The following RELL1 variants were observed in gnomAD, a reference collection of about 807,000 sequenced individuals.
RELL1 encodes RELT-like protein 1.
RELL1 carries 10 observed loss-of-function variants against 23.0 expected under a neutral mutation model. The observed-to-expected ratio is 0.43, with a 90% CI of 0.27 to 0.74. The LOEUF is 0.74. Among genes scored for constraint, RELL1 ranks in the 30% least tolerant of loss-of-function variants. RELL1 has a pLI of 0.19. For missense variants in RELL1, 315 were observed against 364.4 expected, an observed-to-expected ratio of 0.86 and a Z score of 1.10; for synonymous variants, 146 against 146.8, an observed-to-expected ratio of 0.99 and a Z score of 0.04.
chr4:37,587,083 C>G (rs1718375431), downstream of RELL1, among the ~76,000 whole-genome samples: 3 of 152,166 alleles, frequency 2.0e-5, no homozygotes, highest in African/African-American at 7.2e-5. Context: ...TGTTCCTTCC[C>G]TCTTCCAGCT....
rs557109007 is a variant in RELL1 at position 37,617,227 on chromosome 4, C to T, written c.*4-3885G>A. The stretch of plus-strand genomic sequence containing the variant: ...CTGAGACCTACTAAATCAGAGTCTA[C>T]GGGGTTGCAGTCCAGGACTCTGCTT... On this transcript the variant is annotated intron_variant, in intron 6 of 6. Transcript: ENST00000454158. 2.2e-3 allele frequency among the ~76,000 whole-genome samples: 333 copies of T among 152,282 alleles called. 3 individuals carry two copies. Among genetic ancestry groups the T allele is most frequent in the African/African-American group, 3.3e-3 (136 of 41,554 alleles).
intron 6 of RELL1, among the ~76,000 whole-genome samples, chr4:37,614,244 G>T (rs1719500375): frequency 6.6e-6 from 1 of 151,928 alleles, no homozygotes; most frequent in African/African-American, 2.4e-5. Flanking sequence ...TCTGTCATTT[G>T]GTCATCCATA....
chr4:37,623,854 G>C (rs748297535), intron 6 of RELL1, among the ~76,000 whole-genome samples: 2 of 152,020 alleles, frequency 1.3e-5, no homozygotes, highest in Non-Finnish European at 2.9e-5. Flanking sequence ...CAAGTTAAAG[G>C]GTTCCCATCA....
At chr4:37,604,717 G>A (rs1415811499) in intron 6 of RELL1, among the ~76,000 whole-genome samples, 1 of 151,636 alleles carries the variant, frequency 6.6e-6, no homozygotes, top group Non-Finnish European at 1.5e-5. Context: ...AGAAACTTTG[G>A]CAAATACAGT....
chr4:37,659,595 G>T (rs1042143668), intron 1 of RELL1, among the ~76,000 whole-genome samples: 37 of 151,908 alleles, frequency 2.4e-4, no homozygotes, highest in African/African-American at 3.4e-4. Context: ...ATCCACCTTT[G>T]CCACCAGCTA....
chr4:37,674,746 GC>G (rs5857580), intron 1 of RELL1, among the ~76,000 whole-genome samples: 139,140 of 152,246 alleles, frequency 0.91, 63,885 homozygotes, highest in Non-Finnish European at 0.96. Flanking sequence ...TGATACAAAA[GC>G]CCAGTGAATT....
chr4:37,641,248 C>T (rs1720523022), intron 3 of RELL1, among the ~76,000 whole-genome samples: 1 of 152,112 alleles, frequency 6.6e-6, no homozygotes, highest in Non-Finnish European at 1.5e-5. Context: ...CACACACACC[C>T]ACATGCATGC....
intron 1 of RELL1, chr4:37,665,527 C>T (rs1721502863): frequency 2.9e-6 from 1 of 340,170 alleles, no homozygotes; most frequent in Non-Finnish European, 5.8e-6. Context: ...TACACAACCT[C>T]ACCAAAGGCT....
intron 1 of RELL1, among the ~76,000 whole-genome samples, chr4:37,680,891 C>T (rs1425144554): frequency 4.0e-5 from 6 of 148,244 alleles, no homozygotes; most frequent in South Asian, 2.2e-4. Context: ...GAGATCGCGC[C>T]GCTGCACTCC....
intron 6 of RELL1, among the ~76,000 whole-genome samples, chr4:37,618,355 G>A (rs1317169804): frequency 6.6e-6 from 1 of 151,806 alleles, no homozygotes; most frequent in Non-Finnish European, 1.5e-5. Flanking sequence ...ATGTAGCTGG[G>A]ACTACAGGTG....
At chr4:37,663,155 C>A (rs1168180680) in intron 1 of RELL1, among the ~76,000 whole-genome samples, 1 of 152,148 alleles carries the variant, frequency 6.6e-6, no homozygotes, top group Non-Finnish European at 1.5e-5. Context: ...CTGACTCTCT[C>A]CCCATCTTCT....
In RELL1 at chr4:37,631,628, CA is replaced by C. The variant is rs1720138271; in HGVS notation, c.681-106del. On this transcript the variant is annotated intron_variant, in intron 5 of 6. Coordinates refer to ENST00000454158, the MANE Select transcript of RELL1 (RefSeq NM_001085400.2). ...CCAGAGGATCTCAAATGAACTCAGC[CA>C]AAAGTTAGGACACAAATGAAAAACA... 11 of 1,271,922 alleles carry C rather than the reference CA, an allele frequency of 8.6e-6. No homozygotes were observed. The South Asian group carries it at 1.6e-4, about 18-fold the overall frequency. 78.8% of individuals were successfully genotyped at this position (1,271,922 alleles called of 1,614,324 possible).
intron 1 of RELL1, among the ~76,000 whole-genome samples, chr4:37,655,262 A>ATAT (rs1560349592): frequency 1.3e-5 from 2 of 151,882 alleles, no homozygotes; most frequent in East Asian, 3.9e-4. Flanking sequence ...TATATATATA[A>ATAT]AAAGCAAGTT....
At chr4:37,586,465 C>A (rs2940993), downstream of RELL1, among the ~76,000 whole-genome samples, 5 of 152,208 alleles carry the variant, frequency 3.3e-5, no homozygotes, top group Non-Finnish European at 7.3e-5. Flanking sequence ...AAGAGATGCA[C>A]GGCTGGTCCG....
At chr4:37,647,565 C>T in intron 2 of RELL1, 126 bp from the exon 3 acceptor site, 2 of 613,828 alleles carry the variant, frequency 3.3e-6, no homozygotes, top group Non-Finnish European at 5.9e-6. Context: ...CATGGTGCTA[C>T]AATTCTAGGC....
Position 37,670,225 on chromosome 4 carries a change from TGTAA to T in RELL1, c.88+15971_88+15974del, listed in dbSNP as rs780037698. Among the ~76,000 whole-genome samples, 4 of 151,642 alleles carry T rather than the reference TGTAA, an allele frequency of 2.6e-5. No homozygotes were observed. In the East Asian group the frequency reaches 7.7e-4, roughly 29 times the overall value. ...ATAATCGATAGTTTTTTTTTTTAAC[TGTAA>T]GTAACAGTCAATGAGGAGCCATCAT... On this transcript the variant is annotated intron_variant, in intron 1 of 6. Transcript: ENST00000454158.
chr4:37,598,965 G>T (rs926983038), intron 6 of RELL1, among the ~76,000 whole-genome samples: 1 of 152,030 alleles, frequency 6.6e-6, no homozygotes, highest in African/African-American at 2.4e-5. Context: ...GATTACAGGC[G>T]TGAGCCACCG....
Position 37,647,452 on chromosome 4 carries a change from A to C in RELL1, c.314-13T>G. The C allele has an allele frequency of 6.3e-7, 1 of 1,590,194 alleles. No individual in the cohort carries two copies. ...CTGTCATTCAATTCTGAAAGAGAAA[A>C]GAGGAGGGGAGAACAGGTTACAATT... is the stretch of plus-strand genomic sequence containing the variant. On this transcript the variant is annotated splice_polypyrimidine_tract_variant and intron_variant, in intron 2 of 6. Coordinates refer to ENST00000454158, the MANE Select transcript of RELL1 (RefSeq NM_001085400.2).
chr4:37,649,893 C>T (rs1159704551), intron 1 of RELL1, among the ~76,000 whole-genome samples: 1 of 152,160 alleles, frequency 6.6e-6, no homozygotes, highest in Non-Finnish European at 1.5e-5. Context: ...ATAAACACTA[C>T]ATTACATTAT....
Sources: gnomAD v4.1 joint callset for allele counts (sites outside exome capture counted in the v4.1 genomes callset) on GRCh38, gnomAD v4.1.1 for gene constraint, MANE v1.5 for transcripts, NCBI Gene and HGNC (gene_info 2026-07-23, HGNC 2026-07-21) for gene names.